Variants in IRAK1BP1 observed in about 807,000 individuals in gnomAD.
IRAK1BP1 encodes interleukin 1 receptor associated kinase 1 binding protein 1.
Under a neutral mutation model 28.0 loss-of-function variants are expected in IRAK1BP1, and 24 were observed. The ratio of observed to expected loss-of-function variants is 0.86; its 90% CI spans 0.62 to 1.20. The LOEUF is 1.20. IRAK1BP1 is among the 50% of genes most tolerant of loss of function. The probability of loss-of-function intolerance (pLI) is 0.00; values close to 1 mark genes in which losing one functional copy is unlikely to be tolerated. For synonymous variants in IRAK1BP1, 131 were observed against 116.3 expected, an observed-to-expected ratio of 1.13 and a Z score of -0.81; for missense variants, 336 against 316.7, an observed-to-expected ratio of 1.06 and a Z score of -0.46.
rs543699501 is a variant in IRAK1BP1 at position 78,898,870 on chromosome 6, C to T, written c.*536C>T. 2.6e-5 allele frequency: 4 copies of T among 152,206 alleles called. No individual in the cohort carries two copies. Among genetic ancestry groups the T allele is most frequent in the African/African-American group, 7.2e-5 (3 of 41,532 alleles). 9.4% of individuals were successfully genotyped at this position (152,206 alleles called of 1,614,324 possible). ...ATACATAATTTTAAGTGCATCCTGT[C>T]AGGTCTGATATTTAATTTTACTTTA... On this transcript the variant is annotated 3_prime_UTR_variant, in exon 4 of 4. Coordinates refer to ENST00000369940, the MANE Select transcript of IRAK1BP1 (RefSeq NM_001010844.4).
downstream of IRAK1BP1, chr6:78,947,610 T>A (rs775855546): frequency 7.9e-7 from 1 of 1,262,486 alleles, no homozygotes; most frequent in East Asian, 2.4e-5. Context: ...AAGAAAATAA[T>A]GTAATTATAT....
chr6:78,947,868 G>GC (rs1562116244), downstream of IRAK1BP1: 6 of 781,182 alleles, frequency 7.7e-6, no homozygotes. Context: ...TATGATGACT[G>GC]CAAGTCCTAG....
At chr6:78,946,273 T>C (rs1441165831) in exon 5 of IRAK1BP1, 1 of 1,607,254 alleles carries the variant, frequency 6.2e-7, no homozygotes, top group Non-Finnish European at 8.5e-7. Flanking sequence ...GTAAATAAAA[T>C]AGTATTGTCA....
Position 78,879,963 on chromosome 6 carries a change from C to T in IRAK1BP1, c.316-5415C>T, listed in dbSNP as rs112450949. Among the ~76,000 whole-genome samples the T allele has an allele frequency of 5.2e-3, 787 of 152,282 alleles. 11 individuals carry two copies. The highest frequency in any genetic ancestry group is 0.018 in the African/African-American group (741 of 41,558). On this transcript the variant is annotated intron_variant, in intron 1 of 3. Transcript: ENST00000369940. ...GAGTCTGAAATGGGGAAGGTATTCC[C>T]ATACAAGGAAACAAGCCCAGCACAA...
intron 4 of IRAK1BP1, among the ~76,000 whole-genome samples, chr6:78,915,146 T>C (rs943012170): frequency 6.6e-6 from 1 of 152,176 alleles, no homozygotes; most frequent in Non-Finnish European, 1.5e-5. Flanking sequence ...ATAACCTAGG[T>C]ATTATAAGCA....
chr6:78,881,663 G>A (rs1041271878), intron 1 of IRAK1BP1, among the ~76,000 whole-genome samples: 1 of 152,046 alleles, frequency 6.6e-6, no homozygotes, highest in Non-Finnish European at 1.5e-5. Flanking sequence ...CTAAATTACT[G>A]GAAAATGGTG....
chr6:78,952,312 G>C, the IRAK1BP1 span, among the ~76,000 whole-genome samples: 5 of 151,428 alleles, frequency 3.3e-5, no homozygotes, highest in Non-Finnish European at 5.9e-5. Flanking sequence ...CCAGCTACTC[G>C]TGAGGCCGAG....
At chr6:78,969,576 T>C in the IRAK1BP1 span, among the ~76,000 whole-genome samples, 2 of 152,172 alleles carry the variant, frequency 1.3e-5, no homozygotes, top group African/African-American at 4.8e-5. Flanking sequence ...TATACAAAAA[T>C]TTAACTTAAC....
chr6:78,904,339 C>G (rs905203578), downstream of IRAK1BP1, among the ~76,000 whole-genome samples: 1 of 152,110 alleles, frequency 6.6e-6, no homozygotes, highest in African/African-American at 2.4e-5. Context: ...TGCCCTTTAC[C>G]TCCTATTGCC....
chr6:78,952,329 G>GAATCGCTTGAATCC, the IRAK1BP1 span, among the ~76,000 whole-genome samples: 4 of 148,276 alleles, frequency 2.7e-5, no homozygotes, highest in African/African-American at 1.0e-4. Context: ...CGAGGCAGGA[G>GAATCGCTTGAATCC]AATCGCTTGA....
the IRAK1BP1 span, chr6:78,957,207 T>C: frequency 6.6e-6 from 1 of 151,998 alleles, no homozygotes; most frequent in African/African-American, 2.4e-5. Context: ...ACAATTTTCA[T>C]CTAAATTATT....
In IRAK1BP1 at chr6:78,909,219, C is replaced by T. The variant is rs1772341213; in HGVS notation, c.*67+6109C>T. Among the ~76,000 whole-genome samples the T allele has an allele frequency of 2.6e-5, 4 of 152,186 alleles. No individual in the cohort carries two copies. The South Asian group carries it at 8.3e-4, about 32-fold the overall frequency. ...CATACACATTCAGTATATACCTCCA[C>T]TTATGGCAGGAATATGTCCAGACAA... On this transcript the variant is annotated intron_variant and NMD_transcript_variant, in intron 4 of 4. Coordinates refer to the IRAK1BP1 transcript ENST00000606868.
chr6:78,895,258 G>C (rs927665800), intron 2 of IRAK1BP1, among the ~76,000 whole-genome samples: 1 of 152,060 alleles, frequency 6.6e-6, no homozygotes, highest in African/African-American at 2.4e-5. Flanking sequence ...ATGTGTCAAA[G>C]AAGAAATTGA....
At chr6:78,918,330 C>T (rs1772616111) in intron 4 of IRAK1BP1, among the ~76,000 whole-genome samples, 1 of 151,826 alleles carries the variant, frequency 6.6e-6, no homozygotes, top group Non-Finnish European at 1.5e-5. Flanking sequence ...TCAATATTAA[C>T]CCAGTATACA....
the IRAK1BP1 span, among the ~76,000 whole-genome samples, chr6:78,972,292 C>T: frequency 0.023 from 3,566 of 152,216 alleles, 45 homozygotes; most frequent in Non-Finnish European, 0.034. Context: ...CTGCAGGGTA[C>T]TCCAACAGAC....
Position 78,898,447 on chromosome 6 carries a change from G to GATATATATATATATATATATATAT in IRAK1BP1, c.*113_*114insATATATATATATATATATATATAT, listed in dbSNP as rs1402568581. ...ATATATATATATATATATATATATGGTATAGGAGATAAGCTATTTCTTTCC... is the reference window on the plus strand; with the variant it reads ...ATATATATATATATATATATATATGGATATATATATATATATATATATATTATAGGAGATAAGCTATTTCTTTCC... On this transcript the variant is annotated 3_prime_UTR_variant, in exon 4 of 4. Coordinates refer to ENST00000369940, the MANE Select transcript of IRAK1BP1 (RefSeq NM_001010844.4). 3.1e-5 allele frequency: 2 copies of GATATATATATATATATATATATAT among 63,550 alleles called. No homozygotes were observed. The highest frequency in any genetic ancestry group is 6.9e-4 in the South Asian group (1 of 1,442). 3.9% of individuals were successfully genotyped at this position (63,550 alleles called of 1,614,324 possible).
chr6:78,975,077 T>G, the IRAK1BP1 span, among the ~76,000 whole-genome samples: 737 of 150,730 alleles, frequency 4.9e-3, 12 homozygotes, highest in African/African-American at 0.017. Flanking sequence ...CCAAAAAAGA[T>G]AATTTTAGAC....
At chr6:78,920,196 G>A (rs966119822) in intron 4 of IRAK1BP1, among the ~76,000 whole-genome samples, 1 of 152,194 alleles carries the variant, frequency 6.6e-6, no homozygotes, top group Non-Finnish European at 1.5e-5. Context: ...AAAGATTGCA[G>A]TCAGCCAAGA....
chr6:78,975,620 A>T, the IRAK1BP1 span, among the ~76,000 whole-genome samples: 6 of 152,300 alleles, frequency 3.9e-5, no homozygotes, highest in South Asian at 6.2e-4. Context: ...TGTATCTAGA[A>T]AACCCCACTG....
Sources: gnomAD v4.1 joint callset for allele counts (sites outside exome capture counted in the v4.1 genomes callset) on GRCh38, gnomAD v4.1.1 for gene constraint, MANE v1.5 for transcripts, NCBI Gene and HGNC (gene_info 2026-07-23, HGNC 2026-07-21) for gene names.